LINGO2: variants seen among roughly 807,000 people sequenced by gnomAD.
The protein encoded by LINGO2 is leucine rich repeat and Ig domain containing 2.
LINGO2 carries 14 observed loss-of-function variants against 30.6 expected under a neutral mutation model. That is an observed-to-expected ratio of 0.46 (90% CI 0.30 to 0.72). LINGO2 has a LOEUF of 0.72. Among genes scored for constraint, LINGO2 ranks in the 30% least tolerant of loss-of-function variants. LINGO2 has a pLI of 0.07. For missense variants in LINGO2, 729 were observed against 751.7 expected (o/e 0.97, Z 0.35); for synonymous variants, 317 against 288.5 (o/e 1.10, Z -1.00).
intron 1 of LINGO2, among the ~76,000 whole-genome samples, chr9:28,508,912 A>C (rs1820259632): frequency 6.6e-6 from 1 of 152,070 alleles, no homozygotes; most frequent in African/African-American, 2.4e-5. Flanking sequence ...GGAAATAATA[A>C]ATTTATGGAG....
intron 2 of LINGO2, among the ~76,000 whole-genome samples, chr9:28,448,210 G>A (rs1263002790): frequency 6.6e-6 from 1 of 152,140 alleles, no homozygotes; most frequent in Non-Finnish European, 1.5e-5. Context: ...GAGTTTGAAA[G>A]TTGTGCACCT....
the LINGO2 span, among the ~76,000 whole-genome samples, chr9:28,862,106 AG>A: frequency 6.6e-6 from 1 of 152,120 alleles, no homozygotes; most frequent in Non-Finnish European, 1.5e-5. Context: ...AAAGAGCTCT[AG>A]GACAAATTAA....
chr9:29,119,844 C>A, the LINGO2 span, among the ~76,000 whole-genome samples: 5 of 151,998 alleles, frequency 3.3e-5, no homozygotes, highest in South Asian at 2.1e-4. Context: ...GTGATCCCCC[C>A]ACCTTGGCCT....
At chr9:28,084,061 A>C (rs942958643) in intron 4 of LINGO2, among the ~76,000 whole-genome samples, 3 of 152,134 alleles carry the variant, frequency 2.0e-5, no homozygotes, top group African/African-American at 7.2e-5. Context: ...ATGAAATATT[A>C]ATTAAAAGAA....
chr9:28,259,587 C>A (rs918023553), intron 4 of LINGO2, among the ~76,000 whole-genome samples: 2 of 151,206 alleles, frequency 1.3e-5, no homozygotes, highest in African/African-American at 4.9e-5. Context: ...GATGAAGGGA[C>A]CCAGGGAGGA....
chr9:28,530,000 C>G (rs1018288532), intron 1 of LINGO2, among the ~76,000 whole-genome samples: 2 of 152,010 alleles, frequency 1.3e-5, no homozygotes, highest in Admixed American at 6.6e-5. Context: ...TATTTTTCAG[C>G]TTCATCGTGT....
At chr9:28,370,180 T>C (rs1005898897) in intron 3 of LINGO2, among the ~76,000 whole-genome samples, 2 of 152,220 alleles carry the variant, frequency 1.3e-5, no homozygotes, top group Non-Finnish European at 2.9e-5. Context: ...GTTTAGCCTC[T>C]GGATCCTCTC....
chr9:28,361,064 TC>T (rs1208958355), intron 3 of LINGO2, among the ~76,000 whole-genome samples: 2 of 152,206 alleles, frequency 1.3e-5, no homozygotes, highest in African/African-American at 2.4e-5. Context: ...TTCAGCTCCG[TC>T]CAACCTGGGA....
At chr9:29,102,442 G>A in the LINGO2 span, among the ~76,000 whole-genome samples, 2 of 152,278 alleles carry the variant, frequency 1.3e-5, no homozygotes, top group East Asian at 1.9e-4. Context: ...TCTAGAAACA[G>A]AATAATGGGA....
the LINGO2 span, among the ~76,000 whole-genome samples, chr9:28,678,181 T>C: frequency 6.6e-6 from 1 of 151,580 alleles, no homozygotes; most frequent in African/African-American, 2.4e-5. Flanking sequence ...TAATGTTTAA[T>C]CTAAAAGGCC....
chr9:28,883,628 G>GTATATATATATATA, the LINGO2 span, among the ~76,000 whole-genome samples: 21 of 64,120 alleles, frequency 3.3e-4, no homozygotes, highest in African/African-American at 9.9e-4. Context: ...ATGTGTGTGT[G>GTATATATATATATA]TATATATATA....
At chr9:29,039,615 CT>C in the LINGO2 span, among the ~76,000 whole-genome samples, 1 of 152,116 alleles carries the variant, frequency 6.6e-6, no homozygotes, top group Non-Finnish European at 1.5e-5. Flanking sequence ...AGTATCTTCT[CT>C]TTCCTCATAA....
At chr9:29,129,360 G>C in the LINGO2 span, among the ~76,000 whole-genome samples, 5 of 152,044 alleles carry the variant, frequency 3.3e-5, no homozygotes, top group African/African-American at 1.2e-4. Context: ...ATGTAAATGG[G>C]ATAAATGTTT....
chr9:28,447,983 T>G (rs1463281475), intron 2 of LINGO2, among the ~76,000 whole-genome samples: 1 of 152,138 alleles, frequency 6.6e-6, no homozygotes, highest in African/African-American at 2.4e-5. Flanking sequence ...ATGCCAGAGA[T>G]AGAAGAGAGG....
At chr9:28,227,556 C>A (rs2133923123) in intron 4 of LINGO2, among the ~76,000 whole-genome samples, 1 of 151,956 alleles carries the variant, frequency 6.6e-6, no homozygotes, top group South Asian at 2.1e-4. Context: ...ACAATAAAAT[C>A]AATGTTCTCT....
rs375502094 is a variant in LINGO2 at position 28,026,704 on chromosome 9, G to A, written c.-86-14299C>T. ...CTTATTTTTTTGAGGTATCCCCTCC[G>A]TTCCTTCCCTCTGCCCTGTTTCTAG... On this transcript the variant is annotated intron_variant, in intron 4 of 5. Transcript: ENST00000379992. Among the ~76,000 whole-genome samples the A allele has an allele frequency of 2.0e-4, 30 of 152,150 alleles. 1 individual carries two copies. In the East Asian group the frequency reaches 2.9e-3, roughly 15 times the overall value.
intron 1 of LINGO2, among the ~76,000 whole-genome samples, chr9:28,526,417 T>C (rs1288996067): frequency 2.0e-5 from 3 of 152,238 alleles, no homozygotes; most frequent in Non-Finnish European, 4.4e-5. Context: ...AGCTTCCATC[T>C]TTCTGTTGTA....
the LINGO2 span, among the ~76,000 whole-genome samples, chr9:29,125,469 A>T: frequency 6.6e-6 from 1 of 152,226 alleles, no homozygotes; most frequent in Non-Finnish European, 1.5e-5. Context: ...CCAATTAAAG[A>T]TTAGAATAGT....
chr9:29,138,782 T>A, the LINGO2 span, among the ~76,000 whole-genome samples: 1 of 152,272 alleles, frequency 6.6e-6, no homozygotes, highest in Non-Finnish European at 1.5e-5. Flanking sequence ...GCACAACTAA[T>A]GCGTCATATA....
Sources: gnomAD v4.1 joint callset for allele counts (sites outside exome capture counted in the v4.1 genomes callset) on GRCh38, gnomAD v4.1.1 for gene constraint, MANE v1.5 for transcripts, NCBI Gene and HGNC (gene_info 2026-07-23, HGNC 2026-07-21) for gene names.